TCF7L2: variants seen among roughly 807,000 people sequenced by gnomAD.
The protein encoded by TCF7L2 is transcription factor 7 like 2, also known as transcription factor 7-like 2.
In TCF7L2, 23 loss-of-function variants were observed where a neutral mutation model predicts 77.9. That is an observed-to-expected ratio of 0.30 (90% CI 0.21 to 0.42). The LOEUF (loss-of-function observed/expected upper bound fraction) is 0.42, where lower values mean the gene tolerates loss of function less well. Ranked by LOEUF, TCF7L2 falls within the 10% of genes least tolerant of loss-of-function variation. TCF7L2 has a pLI of 1.00. For missense variants in TCF7L2, 654 were observed against 793.1 expected (o/e 0.82, Z 2.11); for synonymous variants, 413 against 340.2 (o/e 1.21, Z -2.36).
Position 113,166,572 on chromosome 10 carries a change from T to C in TCF7L2, c.*600T>C, listed in dbSNP as rs1458302964. The C allele has an allele frequency of 2.2e-5, 5 of 228,060 alleles. No individual in the cohort carries two copies. The East Asian group carries it at 2.5e-4, about 11-fold the overall frequency. The allele number at this position is 228,060 out of a possible 1,614,324, so 14.1% of individuals were successfully genotyped here. A position where few individuals can be genotyped will look rare whatever the true frequency, so the allele number is the denominator to read the frequency against. ...ACCTTGTTCCATGGTGTTGTTCTTT[T>C]GGGGGGAGGGGACGCTACTCAACAC... On this transcript the variant is annotated 3_prime_UTR_variant, in exon 14 of 14. Transcript: ENST00000627217.
chr10:113,141,079 C>A, intron 5 of TCF7L2, 105 bp from the exon 6 acceptor site: 2 of 1,439,250 alleles, frequency 1.4e-6, no homozygotes, highest in South Asian at 1.3e-5. Context: ...CTTAGAAAAT[C>A]CAGGTGAGAG....
At chr10:112,981,124 C>G (rs1429593191) in intron 4 of TCF7L2, among the ~76,000 whole-genome samples, 1 of 152,136 alleles carries the variant, frequency 6.6e-6, no homozygotes, top group Non-Finnish European at 1.5e-5. Context: ...TTTGTGTTTT[C>G]TTGTCACTTG....
chr10:113,031,756 T>G (rs2050257533), intron 4 of TCF7L2, among the ~76,000 whole-genome samples: 1 of 152,204 alleles, frequency 6.6e-6, no homozygotes, highest in South Asian at 2.1e-4. Flanking sequence ...CTTAAAGTGC[T>G]GGGATTACAG....
At chr10:113,088,484 G>A (rs1406890218) in intron 5 of TCF7L2, among the ~76,000 whole-genome samples, 1 of 152,216 alleles carries the variant, frequency 6.6e-6, no homozygotes, top group African/African-American at 2.4e-5. Context: ...CCCAGACAGA[G>A]TAGGCCGTCA....
intron 5 of TCF7L2, among the ~76,000 whole-genome samples, chr10:113,134,531 C>T (rs1272608340): frequency 6.6e-6 from 1 of 152,184 alleles, no homozygotes; most frequent in African/African-American, 2.4e-5. Flanking sequence ...AAAAACAGGA[C>T]TAGTTGAGTT....
At chr10:112,966,304 A>G (rs1249919453) in intron 4 of TCF7L2, among the ~76,000 whole-genome samples, 1 of 149,390 alleles carries the variant, frequency 6.7e-6, no homozygotes, top group Non-Finnish European at 1.5e-5. Context: ...ACCCTTCTCC[A>G]CTCCTAACTG....
intron 5 of TCF7L2, among the ~76,000 whole-genome samples, chr10:113,090,519 G>T (rs562288407): frequency 6.6e-6 from 1 of 152,178 alleles, no homozygotes; most frequent in Non-Finnish European, 1.5e-5. Flanking sequence ...TTGTTCTGGC[G>T]TAGGAAGTGA....
In TCF7L2 at chr10:113,070,254, TAA is replaced by T. The variant is rs147219113; in HGVS notation, c.552+30140_552+30141del. 1.2e-3 allele frequency among the ~76,000 whole-genome samples: 139 copies of T among 118,318 alleles called. No individual in the cohort carries two copies. The South Asian group carries it at 0.013, about 11-fold the overall frequency. 77.6% of individuals were successfully genotyped at this position (118,318 alleles called of 152,430 possible). ...CTGGCGACAGAGTGAGACTCCGTCT[TAA>T]AAAAAAAAAAATTTATATATATATA... On this transcript the variant is annotated intron_variant, in intron 5 of 13. Transcript: ENST00000627217.
intron 5 of TCF7L2, among the ~76,000 whole-genome samples, chr10:113,137,410 T>A (rs2067586576): frequency 1.3e-5 from 2 of 152,312 alleles, no homozygotes; most frequent in Admixed American, 1.3e-4. Context: ...CTCATTCAGT[T>A]TTCACAACTC....
At chr10:113,148,840 G>T (rs140225005) in intron 8 of TCF7L2, among the ~76,000 whole-genome samples, 1 of 152,140 alleles carries the variant, frequency 6.6e-6, no homozygotes, top group Non-Finnish European at 1.5e-5. Context: ...GAATATACGC[G>T]TAGGTATGGG....
chr10:113,065,944 T>C (rs2057186595), intron 5 of TCF7L2, among the ~76,000 whole-genome samples: 1 of 152,226 alleles, frequency 6.6e-6, no homozygotes, highest in South Asian at 2.1e-4. Context: ...GTGATAATTC[T>C]TATTATTTGG....
intron 5 of TCF7L2, chr10:113,126,938 C>T (rs976096701): frequency 1.0e-5 from 10 of 984,506 alleles, no homozygotes; most frequent in Non-Finnish European, 1.2e-5. Context: ...CGGCCCGCTG[C>T]ATCCCGCGCG....
intron 5 of TCF7L2, among the ~76,000 whole-genome samples, chr10:113,139,957 G>A (rs1490704019): frequency 1.3e-5 from 2 of 152,106 alleles, no homozygotes; most frequent in African/African-American, 4.8e-5. Context: ...TGATGTTAAT[G>A]CAAGTTGTGC....
At chr10:113,075,663 A>T (rs2058614368) in intron 5 of TCF7L2, among the ~76,000 whole-genome samples, 3 of 152,164 alleles carry the variant, frequency 2.0e-5, no homozygotes, top group South Asian at 4.1e-4. Flanking sequence ...TCAAGCTGTG[A>T]AAGGTCTGTG....
chr10:113,071,363 T>C (rs549423048), intron 5 of TCF7L2, among the ~76,000 whole-genome samples: 1 of 152,202 alleles, frequency 6.6e-6, no homozygotes, highest in East Asian at 1.9e-4. Context: ...CAGGAGGACA[T>C]GGGAGAGTTT....
rs1227924366 is a variant in TCF7L2, at chr10:112,964,739, A to ATGATGG, written c.450+117_450+118insATGGTG. On this transcript the variant is annotated intron_variant, in intron 4 of 13. Transcript: ENST00000627217. ...AATGATGATGATGATGATGATGATGATGGTGGTGGTGGTGGTGGTGATGGT... is the reference window on the plus strand; with the variant it reads ...AATGATGATGATGATGATGATGATGATGATGGTGGTGGTGGTGGTGGTGGTGATGGT... 4.0e-3 allele frequency: 2,281 copies of ATGATGG among 577,358 alleles called. 25 individuals carry two copies. The highest frequency in any genetic ancestry group is 0.034 in the Admixed American group (1,095 of 32,328). 35.8% of individuals were successfully genotyped at this position (577,358 alleles called of 1,614,324 possible).
intron 5 of TCF7L2, among the ~76,000 whole-genome samples, chr10:113,057,524 C>A (rs2055609329): frequency 1.3e-5 from 2 of 152,108 alleles, no homozygotes; most frequent in South Asian, 4.1e-4. Flanking sequence ...CATGGGACTT[C>A]TGTTGGGGGT....
At chr10:113,104,005 G>A (rs1488246047) in intron 5 of TCF7L2, among the ~76,000 whole-genome samples, 1 of 152,164 alleles carries the variant, frequency 6.6e-6, no homozygotes, top group Non-Finnish European at 1.5e-5. Context: ...TAAAATCGGT[G>A]CCCTTGCATA....
intron 5 of TCF7L2, among the ~76,000 whole-genome samples, chr10:113,086,256 T>C (rs1419673871): frequency 6.6e-6 from 1 of 152,206 alleles, no homozygotes; most frequent in Admixed American, 6.5e-5. Flanking sequence ...TGAGTCTAAA[T>C]TCCTCTCTCC....
Sources: allele counts gnomAD v4.1 joint callset (sites outside exome capture counted in the v4.1 genomes callset), GRCh38; gene constraint gnomAD v4.1.1; transcripts MANE v1.5; gene names NCBI Gene and HGNC (gene_info 2026-07-23, HGNC 2026-07-21).